The following AUTS2 variants were observed in gnomAD, a reference collection of about 807,000 sequenced individuals.
The protein encoded by AUTS2 is activator of transcription and developmental regulator AUTS2.
Under a neutral mutation model 112.4 loss-of-function variants are expected in AUTS2, and 17 were observed. That is an observed-to-expected ratio of 0.15 (90% CI 0.10 to 0.23). The LOEUF is 0.23. Ranked by LOEUF, AUTS2 falls within the 10% of genes least tolerant of loss-of-function variation. The probability of loss-of-function intolerance (pLI) is 1.00; values close to 1 mark genes in which losing one functional copy is unlikely to be tolerated. For missense variants in AUTS2, 1,510 were observed against 1,701.6 expected (o/e 0.89, Z 1.98); for synonymous variants, 751 against 702.7 (o/e 1.07, Z -1.09).
intron 4 of AUTS2, among the ~76,000 whole-genome samples, chr7:70,215,570 A>G (rs1333388336): frequency 6.6e-6 from 1 of 152,198 alleles, no homozygotes; most frequent in Non-Finnish European, 1.5e-5. Context: ...GGAGAGACAT[A>G]CTACAGGAAA....
intron 5 of AUTS2, among the ~76,000 whole-genome samples, chr7:70,688,927 A>G (rs890820494): frequency 2.0e-5 from 3 of 152,282 alleles, no homozygotes; most frequent in Non-Finnish European, 4.4e-5. Context: ...ACATGTCTAA[A>G]TGACATAATT....
At chr7:70,265,909 C>T (rs1787399524) in intron 4 of AUTS2, among the ~76,000 whole-genome samples, 1 of 152,110 alleles carries the variant, frequency 6.6e-6, no homozygotes, top group African/African-American at 2.4e-5. Flanking sequence ...CAGTTTATTT[C>T]TCAGTAAGGC....
intron 5 of AUTS2, among the ~76,000 whole-genome samples, chr7:70,623,804 A>AG (rs1326626948): frequency 6.6e-6 from 1 of 152,244 alleles, no homozygotes; most frequent in Non-Finnish European, 1.5e-5. Context: ...CATCACAATG[A>AG]GGGCCATTCT....
At chr7:70,745,662 C>T (rs1358006235) in intron 6 of AUTS2, among the ~76,000 whole-genome samples, 1 of 152,204 alleles carries the variant, frequency 6.6e-6, no homozygotes, top group Non-Finnish European at 1.5e-5. Flanking sequence ...ATTATTAACA[C>T]TGCTCGCCTT....
At chr7:70,173,918 A>G (rs564139498) in intron 4 of AUTS2, among the ~76,000 whole-genome samples, 2 of 152,218 alleles carry the variant, frequency 1.3e-5, no homozygotes, top group Admixed American at 6.5e-5. Context: ...AGACACAACA[A>G]TATTGAAATT....
intron 5 of AUTS2, among the ~76,000 whole-genome samples, chr7:70,449,190 T>TCTACTTATTTTTGCCCGTCCA (rs1796433217): frequency 6.6e-6 from 1 of 152,258 alleles, no homozygotes; most frequent in Admixed American, 6.5e-5. Context: ...TTGCTTTGTC[T>TCTACTTATTTTTGCCCGTCCA]CTACTTATTT....
chr7:70,730,859 A>G (rs915013935), intron 6 of AUTS2, among the ~76,000 whole-genome samples: 1 of 152,208 alleles, frequency 6.6e-6, no homozygotes, highest in Admixed American at 6.5e-5. Flanking sequence ...TCAGTTTTTC[A>G]TTCCCACCAA....
intron 5 of AUTS2, among the ~76,000 whole-genome samples, chr7:70,670,324 G>C (rs1023328433): frequency 2.0e-5 from 3 of 152,190 alleles, no homozygotes; most frequent in African/African-American, 2.4e-5. Context: ...CAGCGTCTTA[G>C]TCAAATTATA....
chr7:69,653,542 A>G (rs1795383253), intron 1 of AUTS2, among the ~76,000 whole-genome samples: 1 of 152,176 alleles, frequency 6.6e-6, no homozygotes, highest in Non-Finnish European at 1.5e-5. Flanking sequence ...AGCAGAGTAC[A>G]CACACCTGAA....
chr7:70,790,996 A>G lies in AUTS2; in HGVS notation c.3780A>G (p.Ter1260=). The G allele has an allele frequency of 6.7e-7, 1 of 1,492,826 alleles. No individual in the cohort carries two copies. The highest frequency in any genetic ancestry group is 8.9e-7 in the Non-Finnish European group (1 of 1,122,222). 92.5% of individuals were successfully genotyped at this position (1,492,826 alleles called of 1,614,324 possible). Residue 1260 remains the stop codon, a stop_retained_variant, in exon 19 of 19, where the codon TAA becomes TAG. Transcript: ENST00000342771. This position sits in a 1 kb window ranked among gnomAD's most constrained non-coding sequence, Gnocchi z 7.6. ...SHTLKDIEAR[*] ...CGCTGAAGGATATCGAGGCCCGATA[A>G]GCCGAGAACAGGAGCAAGAACGAGG...
chr7:69,880,215 G>A lies in AUTS2; in HGVS notation c.310-19071G>A, dbSNP rs115273647. On this transcript the variant is annotated intron_variant, in intron 1 of 18. Transcript: ENST00000342771. ...ACACTTTTAAACAACTAGATCTCGT[G>A]AGAGCTCACTCAGTATCATGAGAAC... Among the ~76,000 whole-genome samples the A allele has an allele frequency of 2.7e-3, 408 of 152,254 alleles. 4 individuals are homozygous for A. Among genetic ancestry groups the A allele is most frequent in the African/African-American group, 9.3e-3 (388 of 41,546 alleles).
At chr7:70,153,750 C>G (rs1807585836) in intron 4 of AUTS2, among the ~76,000 whole-genome samples, 1 of 152,204 alleles carries the variant, frequency 6.6e-6, no homozygotes, top group African/African-American at 2.4e-5. Context: ...AAAACTTACT[C>G]TGAAGAATGT....
chr7:70,727,413 A>T (rs1387447086), intron 6 of AUTS2, among the ~76,000 whole-genome samples: 1 of 152,106 alleles, frequency 6.6e-6, no homozygotes, highest in Non-Finnish European at 1.5e-5. Context: ...GCAATGGTGC[A>T]GTCTTGGTTC....
chr7:70,349,068 T>C (rs1178283083), intron 4 of AUTS2, among the ~76,000 whole-genome samples: 2 of 152,198 alleles, frequency 1.3e-5, no homozygotes, highest in African/African-American at 2.4e-5. Flanking sequence ...CCAAACCCCA[T>C]ATGAAGTAGA....
intron 1 of AUTS2, among the ~76,000 whole-genome samples, chr7:69,723,457 A>C (rs1412522700): frequency 6.6e-6 from 1 of 152,162 alleles, no homozygotes; most frequent in African/African-American, 2.4e-5. Context: ...GTCCCAATTC[A>C]AGCTTCACCA....
intron 1 of AUTS2, among the ~76,000 whole-genome samples, chr7:69,880,249 G>A (rs1425079217): frequency 6.6e-6 from 1 of 152,102 alleles, no homozygotes; most frequent in African/African-American, 2.4e-5. Flanking sequence ...ACAGCAAGGG[G>A]GAAATCCGTC....
intron 2 of AUTS2, among the ~76,000 whole-genome samples, chr7:70,074,262 T>C (rs1044527413): frequency 5.3e-5 from 8 of 152,348 alleles, no homozygotes; most frequent in South Asian, 2.1e-4. Flanking sequence ...AAAACCGTTA[T>C]GGCATTTCTG....
chr7:70,212,489 A>AG (rs1453095615), intron 4 of AUTS2, among the ~76,000 whole-genome samples: 1 of 152,184 alleles, frequency 6.6e-6, no homozygotes, highest in African/African-American at 2.4e-5. Context: ...GGCCATGTGG[A>AG]GCACTTGGAT....
chr7:70,240,686 G>A (rs1812564808), intron 4 of AUTS2, among the ~76,000 whole-genome samples: 1 of 152,202 alleles, frequency 6.6e-6, no homozygotes, highest in Non-Finnish European at 1.5e-5. Flanking sequence ...AATATAGCAT[G>A]TGCAATATGG....
Sources: allele counts gnomAD v4.1 joint callset (sites outside exome capture counted in the v4.1 genomes callset), GRCh38; gene constraint gnomAD v4.1.1; non-coding constraint Gnocchi (gnomAD v3.1); transcripts MANE v1.5; gene names NCBI Gene and HGNC (gene_info 2026-07-23, HGNC 2026-07-21).